ARHGAP32: variants seen among roughly 807,000 people sequenced by gnomAD.
The protein encoded by ARHGAP32 is rho GTPase-activating protein 32.
A neutral mutation model predicts 186.5 loss-of-function variants in ARHGAP32; 51 were observed. That is an observed-to-expected ratio of 0.27 (90% confidence interval 0.22 to 0.35). The LOEUF (loss-of-function observed/expected upper bound fraction) is 0.35. ARHGAP32 is among the 10% of genes least tolerant of loss of function. The pLI, the probability that ARHGAP32 is intolerant of heterozygous loss-of-function variation, is 1.00. For synonymous variants in ARHGAP32, 950 were observed against 964.3 expected (o/e 0.99, Z 0.27); for missense variants, 2,186 against 2,623.5 (o/e 0.83, Z 3.64).
chr11:128,987,272 C>T (rs916432794), intron 13 of ARHGAP32, among the ~76,000 whole-genome samples: 6 of 152,154 alleles, frequency 3.9e-5, no homozygotes, highest in Non-Finnish European at 7.3e-5. Flanking sequence ...TATTCATCCA[C>T]GGGCATGAGA....
intron 5 of ARHGAP32, among the ~76,000 whole-genome samples, chr11:129,119,820 A>G (rs913001343): frequency 6.6e-6 from 1 of 152,048 alleles, no homozygotes; most frequent in Admixed American, 6.6e-5. Flanking sequence ...GGAAACAAAA[A>G]GTACCAAGGC....
chr11:129,049,993 A>G (rs1354642669), intron 10 of ARHGAP32, among the ~76,000 whole-genome samples: 5 of 152,230 alleles, frequency 3.3e-5, no homozygotes, highest in African/African-American at 9.6e-5. Context: ...ATTCTTATTT[A>G]TATCAACTAG....
chr11:129,139,992 T>A (rs1565441097), intron 2 of ARHGAP32, among the ~76,000 whole-genome samples: 1 of 152,116 alleles, frequency 6.6e-6, no homozygotes, highest in Non-Finnish European at 1.5e-5. Context: ...AGGGTGCAAA[T>A]GTAATTAAAA....
chr11:129,012,286 G>C (rs1164477248), intron 11 of ARHGAP32, among the ~76,000 whole-genome samples: 1 of 152,082 alleles, frequency 6.6e-6, no homozygotes, highest in Non-Finnish European at 1.5e-5. Flanking sequence ...GAGAAAATGA[G>C]ATACAATTAT....
At chr11:129,043,453 C>T (rs1199576814) in intron 10 of ARHGAP32, among the ~76,000 whole-genome samples, 1 of 148,898 alleles carries the variant, frequency 6.7e-6, no homozygotes, top group Non-Finnish European at 1.5e-5. Context: ...ACGACGCGAC[C>T]TCGGCTCACT....
Position 129,224,840 on chromosome 11 carries a change from G to A in ARHGAP32, c.-5+54306C>T, listed in dbSNP as rs187492296. On this transcript the variant is annotated intron_variant, in intron 1 of 6. Transcript: ENST00000525234. Reference sequence around the variant, plus strand: ...CTAAAATATTTAGAGGGCCAGGTGGGGTGGCTCATGCCTGTTATCCCAACA... The same window carrying A: ...CTAAAATATTTAGAGGGCCAGGTGGAGTGGCTCATGCCTGTTATCCCAACA... Among the ~76,000 whole-genome samples, 991 of 152,008 alleles carry A rather than the reference G, an allele frequency of 6.5e-3. 5 individuals are homozygous for A. The highest frequency in any genetic ancestry group is 0.011 in the Non-Finnish European group (726 of 67,964).
chr11:129,033,764 A>G (rs993157291), intron 11 of ARHGAP32, among the ~76,000 whole-genome samples: 1 of 152,238 alleles, frequency 6.6e-6, no homozygotes, highest in African/African-American at 2.4e-5. Flanking sequence ...ATGGGGTTAA[A>G]TAAGGATCAG....
At chr11:129,077,810 C>A (rs1405687384) in intron 6 of ARHGAP32, among the ~76,000 whole-genome samples, 1 of 152,114 alleles carries the variant, frequency 6.6e-6, no homozygotes, top group Non-Finnish European at 1.5e-5. Context: ...AGCTTGTATC[C>A]CCTCTATACT....
At chr11:129,259,226 T>G (rs1945292138) in intron 1 of ARHGAP32, among the ~76,000 whole-genome samples, 1 of 152,164 alleles carries the variant, frequency 6.6e-6, no homozygotes, top group Non-Finnish European at 1.5e-5. Context: ...CAGCTTTTTC[T>G]CCAAAATGGA....
In ARHGAP32 at chr11:129,140,015, C is replaced by T. The variant is rs1377581657; in HGVS notation, c.226-15121G>A. Among the ~76,000 whole-genome samples the T allele has an allele frequency of 2.0e-5, 3 of 152,148 alleles. No homozygotes were observed. In the East Asian group the frequency reaches 5.8e-4, roughly 29 times the overall value. On this transcript the variant is annotated intron_variant, in intron 2 of 22. Transcript: ENST00000682385. ...AATGTAATTAAAATCCCAGGTCAGT[C>T]GATCTTAAAATATAAAAATTATCTG...
Position 128,976,650 on chromosome 11 carries a change from CACAT to C in ARHGAP32, c.2123-20_2123-17del, listed in dbSNP as rs1418438421. Reference sequence around the variant, plus strand: ...GCCCTGCCACCTGAAGAATAAAAAACACATAGTGTGAAGATTTCTTATTTGTTAC... The same window carrying C: ...GCCCTGCCACCTGAAGAATAAAAAACAGTGTGAAGATTTCTTATTTGTTAC... On this transcript the variant is annotated splice_polypyrimidine_tract_variant and intron_variant, in intron 19 of 22. Coordinates refer to ENST00000682385, the MANE Select transcript of ARHGAP32 (RefSeq NM_001378024.1). 12 of 1,606,938 alleles carry C rather than the reference CACAT, an allele frequency of 7.5e-6. No homozygotes were observed. Among genetic ancestry groups the C allele is most frequent in the Non-Finnish European group, 1.0e-5 (12 of 1,173,678 alleles).
intron 1 of ARHGAP32, among the ~76,000 whole-genome samples, chr11:129,180,912 A>G (rs1944040627): frequency 6.6e-6 from 1 of 152,158 alleles, no homozygotes; most frequent in Non-Finnish European, 1.5e-5. Context: ...AATTATGTAA[A>G]TATCTGTCAC....
At chr11:129,071,052 T>G (rs1486166959) in intron 6 of ARHGAP32, among the ~76,000 whole-genome samples, 4 of 152,070 alleles carry the variant, frequency 2.6e-5, no homozygotes, top group African/African-American at 4.8e-5. Flanking sequence ...ACTATTAGCC[T>G]TTTGAGAGCT....
At chr11:129,269,585 G>T (rs114851841) in intron 1 of ARHGAP32, among the ~76,000 whole-genome samples, 1 of 151,960 alleles carries the variant, frequency 6.6e-6, no homozygotes, top group Non-Finnish European at 1.5e-5. Context: ...AAATTAGCCC[G>T]GCACAGTGGC....
At chr11:129,224,121 A>C (rs1234222881) in intron 1 of ARHGAP32, among the ~76,000 whole-genome samples, 1 of 152,202 alleles carries the variant, frequency 6.6e-6, no homozygotes, top group Non-Finnish European at 1.5e-5. Flanking sequence ...GCATTCAGAC[A>C]GGAAAGCAGT....
chr11:128,974,864 C>T lies in ARHGAP32; in HGVS notation c.2333G>A (p.Gly778Glu), dbSNP rs988544847. ...AAGGGCTGGGATATGAAGCAGCCCT[C>T]CTTCCTCCTCACTCTCATTGTCATG... The part of the protein sequence containing the change: ...LPHDNESEEE[G>E]GLLHIPALMS... The change falls in exon 21 of 23, where the codon GGA becomes GAA. Residue 778 changes from glycine (G) to glutamate (E), a missense_variant. Gly to Glu is a moderately conservative substitution (Grantham distance 98). Coordinates refer to ENST00000682385, the MANE Select transcript of ARHGAP32 (RefSeq NM_001378024.1). The T allele has an allele frequency of 1.9e-6, 3 of 1,614,050 alleles. No homozygotes were observed. In the African/African-American group the frequency reaches 4.0e-5, roughly 22 times the overall value.
intron 1 of ARHGAP32, among the ~76,000 whole-genome samples, chr11:129,238,752 T>A (rs891529628): frequency 2.7e-4 from 16 of 58,990 alleles, no homozygotes; most frequent in Non-Finnish European, 3.9e-4. Flanking sequence ...TAGAACTTAT[T>A]TTAAACACAC....
intron 9 of ARHGAP32, 24 bp from the exon 10 acceptor site, chr11:129,062,381 A>G: frequency 6.3e-7 from 1 of 1,598,544 alleles, no homozygotes; most frequent in South Asian, 1.1e-5. Flanking sequence ...AATTTTAAGC[A>G]AAATGGTTTT....
chr11:129,126,390 A>T (rs1218253991), intron 2 of ARHGAP32, among the ~76,000 whole-genome samples: 1 of 152,232 alleles, frequency 6.6e-6, no homozygotes, highest in African/African-American at 2.4e-5. Flanking sequence ...CCACAGTGAA[A>T]TAAGTTATCA....
Sources: allele counts gnomAD v4.1 joint callset (sites outside exome capture counted in the v4.1 genomes callset), GRCh38; gene constraint gnomAD v4.1.1; transcripts MANE v1.5; gene names NCBI Gene and HGNC (gene_info 2026-07-23, HGNC 2026-07-21).